COL4A4: variants seen among roughly 807,000 people sequenced by gnomAD.
The protein encoded by COL4A4 is collagen alpha-4(IV) chain.
Under a neutral mutation model 192.9 loss-of-function variants are expected in COL4A4, and 105 were observed. The observed-to-expected ratio is 0.54, with a 90% confidence interval of 0.46 to 0.64. The LOEUF is 0.64. Among genes scored for constraint, COL4A4 ranks in the 30% least tolerant of loss-of-function variants. COL4A4 has a pLI of 0.00. For synonymous variants in COL4A4, 762 were observed against 769.9 expected (o/e 0.99, Z 0.17); for missense variants, 1,967 against 2,169.3 (o/e 0.91, Z 1.85).
rs747599746 is a variant in COL4A4, at chr2:227,078,058, G to T, written c.1823C>A (p.Thr608Asn). The stretch of plus-strand genomic sequence containing the variant: ...TCCAGGAAATCCTTTACCACCTGGG[G>T]TCGCATCTTCATGATCCCCCTGGGA... Reference protein sequence around the residue: ...PGPPGDHEDATPGGKGFPGPL... With the variant: ...PGPPGDHEDANPGGKGFPGPL... Residue 608 changes from threonine (T) to asparagine (N), a missense_variant, in exon 25 of 48, where the codon ACC becomes AAC. Thr to Asn is a moderately conservative substitution (Grantham distance 65, BLOSUM62 0). Transcript: ENST00000396625. 11 of 1,613,796 alleles carry T rather than the reference G, an allele frequency of 6.8e-6. No homozygotes were observed. The highest frequency in any genetic ancestry group is 9.3e-6 in the Non-Finnish European group (11 of 1,180,000).
At chr2:227,098,862 A>G in intron 18 of COL4A4, 64 bp from the exon 19 acceptor site, 1 of 1,363,938 alleles carries the variant, frequency 7.3e-7, no homozygotes, top group Middle Eastern at 1.8e-4. Flanking sequence ...TTAAGACAAC[A>G]ATTACTTTTT....
chr2:227,022,635 G>T, intron 43 of COL4A4: 1 of 491,844 alleles, frequency 2.0e-6, no homozygotes, highest in Non-Finnish European at 4.2e-6. Context: ...TTTCCATAGT[G>T]TCAGTCACTA....
Position 227,070,613 on chromosome 2 carries a change from G to A in COL4A4, c.1987+7281C>T, listed in dbSNP as rs561653775. Reference sequence around the variant, plus strand: ...AAATCATCATTCTCAGTAAACTATCGCAAGAACAAAAAACCAAACACCACA... The same window carrying A: ...AAATCATCATTCTCAGTAAACTATCACAAGAACAAAAAACCAAACACCACA... On this transcript the variant is annotated intron_variant, in intron 25 of 47. Coordinates refer to ENST00000396625, the MANE Select transcript of COL4A4 (RefSeq NM_000092.5). Among the ~76,000 whole-genome samples the A allele has an allele frequency of 3.7e-4, 56 of 150,366 alleles. No homozygotes were observed. In the South Asian group the frequency reaches 8.7e-3, roughly 23 times the overall value.
intron 25 of COL4A4, among the ~76,000 whole-genome samples, chr2:227,065,290 C>T (rs561146531): frequency 1.8e-4 from 28 of 152,252 alleles, no homozygotes; most frequent in African/African-American, 6.7e-4. Flanking sequence ...AAGGCGGCAG[C>T]GAGGCTGGGG....
chr2:227,061,527 C>T (rs1351369692), intron 26 of COL4A4, among the ~76,000 whole-genome samples: 2 of 152,200 alleles, frequency 1.3e-5, no homozygotes, highest in South Asian at 2.1e-4. Context: ...CAACAGAGAC[C>T]ATCTTAGATC....
chr2:227,104,998 T>A (rs559190345), intron 12 of COL4A4, among the ~76,000 whole-genome samples: 3 of 152,076 alleles, frequency 2.0e-5, no homozygotes, highest in African/African-American at 7.2e-5. Context: ...TATATGTACA[T>A]ATATGTGTAT....
chr2:227,001,739 GA>G (rs1559383014), downstream of COL4A4, among the ~76,000 whole-genome samples: 1 of 152,228 alleles, frequency 6.6e-6, no homozygotes, highest in Non-Finnish European at 1.5e-5. Context: ...CTGTAGGGTT[GA>G]GAGGAAGCAT....
chr2:227,079,424 A>T (rs575544623), intron 24 of COL4A4, among the ~76,000 whole-genome samples: 1 of 152,366 alleles, frequency 6.6e-6, no homozygotes, highest in Non-Finnish European at 1.5e-5. Context: ...AGCAGAGATT[A>T]CCAAGCCTAA....
intron 1 of COL4A4, among the ~76,000 whole-genome samples, chr2:227,155,557 C>G (rs1201192311): frequency 6.6e-6 from 1 of 152,162 alleles, no homozygotes; most frequent in African/African-American, 2.4e-5. Flanking sequence ...ATGATTTTCC[C>G]CATAAGTAGG....
intron 9 of COL4A4, among the ~76,000 whole-genome samples, chr2:227,111,204 C>G (rs4306709): frequency 6.6e-6 from 1 of 151,978 alleles, no homozygotes; most frequent in African/African-American, 2.4e-5. Flanking sequence ...GTGAAACTTT[C>G]TCACATCAGA....
At chr2:227,021,264 C>A (rs1291146440) in intron 44 of COL4A4, among the ~76,000 whole-genome samples, 1 of 152,168 alleles carries the variant, frequency 6.6e-6, no homozygotes, top group African/African-American at 2.4e-5. Flanking sequence ...CTGAACAATG[C>A]TCCAGTGATT....
the COL4A4 span, among the ~76,000 whole-genome samples, chr2:226,980,998 G>C: frequency 6.6e-6 from 1 of 152,206 alleles, no homozygotes; most frequent in African/African-American, 2.4e-5. Flanking sequence ...TTGAGACTGA[G>C]GCAGGCCATT....
Position 227,108,850 on chromosome 2 carries a change from C to T in COL4A4, c.676G>A (p.Gly226Arg). The part of the protein sequence containing the change: ...PGLVGPPGQP[G>R]RPGLKGNPGV... ...CTGCCTACCTTCAAACCTGGACGCC[C>T]TGGTTGGCCCGGAGGTCCCTAAATC... Residue 226 changes from glycine to arginine, a missense_variant, in exon 11 of 48, where the codon GGG becomes AGG. Coordinates refer to ENST00000396625, the MANE Select transcript of COL4A4 (RefSeq NM_000092.5). 6.2e-7 allele frequency: 1 copy of T among 1,611,940 alleles called. No homozygotes were observed. The highest frequency in any genetic ancestry group is 8.5e-7 in the Non-Finnish European group (1 of 1,178,774).
In COL4A4 at chr2:227,080,424, A is replaced by C; in HGVS notation, c.1803+19T>G. 2.0e-5 allele frequency: 31 copies of C among 1,589,200 alleles called. No homozygotes were observed. Among genetic ancestry groups the C allele is most frequent in the East Asian group, 2.2e-5 (1 of 44,764 alleles). ...TATAAGAAAGTGAAATTCTATAGCA[A>C]GAGAAGAATTCTACATACTGGAGGT... is the stretch of plus-strand genomic sequence containing the variant. On this transcript the variant is annotated intron_variant, in intron 24 of 47. Coordinates refer to ENST00000396625, the MANE Select transcript of COL4A4 (RefSeq NM_000092.5).
Position 227,012,244 on chromosome 2 carries a change from C to T in COL4A4, c.4270G>A (p.Gly1424Arg), listed in dbSNP as rs1279460245. ...TTACGTCCGGGAGGCCCAGGAGACC[C>T]AGGGACGCCATCCACACCCCTCCTG... ...DGRRGVDGVP[G>R]SPGPPGRKGD... The change falls in exon 45 of 48, where the codon GGG (glycine) becomes AGG (arginine). Residue 1424 changes from glycine (G) to arginine (R), a missense_variant. Physicochemically the swap from Gly to Arg is moderately radical, Grantham distance 125. Coordinates refer to ENST00000396625, the MANE Select transcript of COL4A4 (RefSeq NM_000092.5). 1 of 1,614,112 alleles carries T rather than the reference C, an allele frequency of 6.2e-7. No individual in the cohort carries two copies. The highest frequency in any genetic ancestry group is 1.7e-5 in the Admixed American group (1 of 60,018).
chr2:227,066,014 A>G (rs1396654818), intron 25 of COL4A4, among the ~76,000 whole-genome samples: 1 of 152,222 alleles, frequency 6.6e-6, no homozygotes, highest in Non-Finnish European at 1.5e-5. Context: ...AATAACCAAT[A>G]TAGAGAAGTG....
At chr2:227,101,640 C>T (rs1422581728) in intron 16 of COL4A4, 83 bp from the exon 17 acceptor site, 1 of 1,357,106 alleles carries the variant, frequency 7.4e-7, no homozygotes, top group South Asian at 1.2e-5. Flanking sequence ...TTAAGCAACA[C>T]ATTGCCCACT....
chr2:226,975,972 C>T, the COL4A4 span, among the ~76,000 whole-genome samples: 1 of 151,984 alleles, frequency 6.6e-6, no homozygotes, highest in Non-Finnish European at 1.5e-5. Flanking sequence ...GGAACAGTCA[C>T]ACTCATGGTT....
chr2:227,162,827 CTAA>C (rs1034567628), intron 1 of COL4A4, among the ~76,000 whole-genome samples: 1 of 152,158 alleles, frequency 6.6e-6, no homozygotes, highest in African/African-American at 2.4e-5. Flanking sequence ...CCCAAAGATT[CTAA>C]TGCACAACGA....
Sources: gnomAD v4.1 joint callset for allele counts (sites outside exome capture counted in the v4.1 genomes callset) on GRCh38, gnomAD v4.1.1 for gene constraint, MANE v1.5 for transcripts, NCBI Gene and HGNC (gene_info 2026-07-23, HGNC 2026-07-21) for gene names.